The following NPAS3 variants were observed in gnomAD, a reference collection of about 807,000 sequenced individuals.
NPAS3 encodes the protein neuronal PAS domain-containing protein 3.
NPAS3 carries 14 observed loss-of-function variants against 73.1 expected under a neutral mutation model. The ratio of observed to expected loss-of-function variants is 0.19; its 90% confidence interval spans 0.13 to 0.30. NPAS3 has a LOEUF of 0.30. Ranked by LOEUF, NPAS3 falls within the 10% of genes least tolerant of loss-of-function variation. NPAS3 has a pLI of 1.00. For synonymous variants in NPAS3, 620 were observed against 541.5 expected, an observed-to-expected ratio of 1.14 and a Z score of -2.01; for missense variants, 1,096 against 1,250.0, an observed-to-expected ratio of 0.88 and a Z score of 1.86.
At chr14:33,029,022 G>T (rs1165027695) in intron 1 of NPAS3, among the ~76,000 whole-genome samples, 1 of 152,118 alleles carries the variant, frequency 6.6e-6, no homozygotes, top group African/African-American at 2.4e-5. Context: ...GACAGCTTAG[G>T]AGTTTGATTA....
At chr14:33,203,722 T>G (rs758855223) in intron 2 of NPAS3, among the ~76,000 whole-genome samples, 6 of 152,214 alleles carry the variant, frequency 3.9e-5, no homozygotes, top group Non-Finnish European at 5.9e-5. Flanking sequence ...CATTCTGTCA[T>G]TGTTGGACAT....
intron 3 of NPAS3, among the ~76,000 whole-genome samples, chr14:33,274,559 C>T (rs1386192588): frequency 6.6e-6 from 1 of 152,248 alleles, no homozygotes; most frequent in South Asian, 2.1e-4. Context: ...AGACCCATCC[C>T]CTTCTCATAT....
rs142971910 is a variant in NPAS3 at position 33,355,533 on chromosome 14, C to G, written c.386-11653C>G. ...CAGGATGGTCTCGACCCCTTGACCTCATGATCCGCCTGCCTCGGCCTCCCA... is the reference window on the plus strand; with the variant it reads ...CAGGATGGTCTCGACCCCTTGACCTGATGATCCGCCTGCCTCGGCCTCCCA... On this transcript the variant is annotated intron_variant, in intron 3 of 11. Coordinates refer to ENST00000356141, the Ensembl canonical transcript of NPAS3. Among the ~76,000 whole-genome samples the G allele has an allele frequency of 6.4e-3, 972 of 152,288 alleles. 12 individuals carry two copies. The highest frequency in any genetic ancestry group is 0.022 in the African/African-American group (923 of 41,558).
intron 3 of NPAS3, among the ~76,000 whole-genome samples, chr14:33,327,416 T>C (rs1343260760): frequency 6.6e-6 from 1 of 152,204 alleles, no homozygotes; most frequent in Non-Finnish European, 1.5e-5. Flanking sequence ...CTGGCTTAAA[T>C]ACAAATTACT....
At chr14:33,195,156 T>A (rs1285151857) in intron 2 of NPAS3, among the ~76,000 whole-genome samples, 1 of 152,036 alleles carries the variant, frequency 6.6e-6, no homozygotes, top group Non-Finnish European at 1.5e-5. Context: ...GGCATTATAC[T>A]GTACATAGAG....
At chr14:33,238,791 G>A (rs1453477127) in intron 3 of NPAS3, among the ~76,000 whole-genome samples, 1 of 151,824 alleles carries the variant, frequency 6.6e-6, no homozygotes, top group African/African-American at 2.4e-5. Context: ...CAAGGCAAAT[G>A]GTCTAATAAT....
intron 4 of NPAS3, among the ~76,000 whole-genome samples, chr14:33,539,510 G>A (rs1032829560): frequency 1.4e-4 from 21 of 151,888 alleles, no homozygotes; most frequent in African/African-American, 3.4e-4. Flanking sequence ...AATTAATTTC[G>A]CAGGGTGCCT....
Position 33,145,004 on chromosome 14 carries a change from G to A in NPAS3, c.141-70178G>A, listed in dbSNP as rs539766385. 1.8e-4 allele frequency among the ~76,000 whole-genome samples: 28 copies of A among 152,094 alleles called. No homozygotes were observed. In the South Asian group the frequency reaches 4.6e-3, roughly 25 times the overall value. ...CAACTTGGTTTGTTACAAAATTTTCGGCTTATGAACATTTTCCTCTTAGTT... is the reference window on the plus strand; with the variant it reads ...CAACTTGGTTTGTTACAAAATTTTCAGCTTATGAACATTTTCCTCTTAGTT... On this transcript the variant is annotated intron_variant, in intron 2 of 11. Coordinates refer to ENST00000356141, the Ensembl canonical transcript of NPAS3.
chr14:33,486,806 A>G (rs571952478), intron 4 of NPAS3, among the ~76,000 whole-genome samples: 2 of 152,304 alleles, frequency 1.3e-5, no homozygotes, highest in African/African-American at 4.8e-5. Flanking sequence ...CCTTTAAACT[A>G]TTAGTTACCT....
At chr14:32,987,996 A>T (rs751400547) in intron 1 of NPAS3, among the ~76,000 whole-genome samples, 35 of 152,178 alleles carry the variant, frequency 2.3e-4, no homozygotes, top group Non-Finnish European at 4.6e-4. Context: ...AATTATTGTT[A>T]TTAATTTCCC....
At chr14:33,113,149 G>C (rs889638679) in intron 2 of NPAS3, among the ~76,000 whole-genome samples, 1 of 152,130 alleles carries the variant, frequency 6.6e-6, no homozygotes, top group Non-Finnish European at 1.5e-5. Context: ...TGGCAATGCA[G>C]GCTCTTTTTT....
chr14:32,982,420 T>C (rs2037934380), intron 1 of NPAS3, among the ~76,000 whole-genome samples: 1 of 152,068 alleles, frequency 6.6e-6, no homozygotes, highest in Non-Finnish European at 1.5e-5. Context: ...TCCCTTACAA[T>C]AGTATCTTAC....
chr14:33,140,685 A>T (rs1214344163), intron 2 of NPAS3, among the ~76,000 whole-genome samples: 1 of 152,192 alleles, frequency 6.6e-6, no homozygotes, highest in African/African-American at 2.4e-5. Context: ...TCAATATTCA[A>T]TAGAGAAGAA....
intron 2 of NPAS3, among the ~76,000 whole-genome samples, chr14:33,173,818 A>C (rs2045485343): frequency 1.3e-5 from 2 of 152,212 alleles, no homozygotes; most frequent in Non-Finnish European, 2.9e-5. Context: ...TAGTGTATGT[A>C]AGATTATATT....
At chr14:33,690,309 G>A (rs956105449) in intron 6 of NPAS3, among the ~76,000 whole-genome samples, 1 of 138,300 alleles carries the variant, frequency 7.2e-6, no homozygotes, top group Non-Finnish European at 1.6e-5. Context: ...AGATCTGGTG[G>A]AATGCATCAG....
chr14:33,756,886 G>A (rs761619258), intron 7 of NPAS3, among the ~76,000 whole-genome samples: 1 of 152,196 alleles, frequency 6.6e-6, no homozygotes. Flanking sequence ...TTGGGTAGCC[G>A]AGACAAAAGT....
At chr14:33,287,954 T>G (rs556367158) in intron 3 of NPAS3, among the ~76,000 whole-genome samples, 10 of 152,290 alleles carry the variant, frequency 6.6e-5, no homozygotes, top group African/African-American at 2.4e-4. Flanking sequence ...GTATGCAGTT[T>G]TTTTCTTCCC....
chr14:33,413,708 A>G (rs1594863805), intron 4 of NPAS3, among the ~76,000 whole-genome samples: 1 of 152,184 alleles, frequency 6.6e-6, no homozygotes, highest in East Asian at 1.9e-4. Flanking sequence ...TTGGATAAAG[A>G]TAATTTTAAA....
chr14:33,717,376 T>C (rs574712235), intron 6 of NPAS3, among the ~76,000 whole-genome samples: 4 of 152,092 alleles, frequency 2.6e-5, no homozygotes, highest in African/African-American at 7.2e-5. Flanking sequence ...TAATTATTGA[T>C]GTTCAATAAC....
Sources: gnomAD v4.1 joint callset for allele counts (sites outside exome capture counted in the v4.1 genomes callset) on GRCh38, gnomAD v4.1.1 for gene constraint, MANE v1.5 for transcripts, NCBI Gene and HGNC (gene_info 2026-07-23, HGNC 2026-07-21) for gene names.